Variants in MGAT4C observed in about 807,000 individuals in gnomAD.
MGAT4C encodes alpha-1,3-mannosyl-glycoprotein 4-beta-N-acetylglucosaminyltransferase C.
A neutral mutation model predicts 40.1 loss-of-function variants in MGAT4C; 19 were observed. The observed-to-expected ratio is 0.47, with a 90% CI of 0.33 to 0.70. The LOEUF (loss-of-function observed/expected upper bound fraction) is 0.70, where lower values mean the gene tolerates loss of function less well. Ranked by LOEUF, MGAT4C falls within the 30% of genes least tolerant of loss-of-function variation. The pLI, the probability that MGAT4C is intolerant of heterozygous loss-of-function variation, is 0.02. For missense variants in MGAT4C, 491 were observed against 563.2 expected, an observed-to-expected ratio of 0.87 and a Z score of 1.30; for synonymous variants, 181 against 187.1, an observed-to-expected ratio of 0.97 and a Z score of 0.27.
intron 1 of MGAT4C, among the ~76,000 whole-genome samples, chr12:86,241,898 C>A (rs1007023923): frequency 6.6e-6 from 1 of 152,076 alleles, no homozygotes; most frequent in Non-Finnish European, 1.5e-5. Context: ...TCTTCCTGAG[C>A]CTTGCCTGAG....
chr12:86,164,721 A>G (rs1593118795), intron 1 of MGAT4C, among the ~76,000 whole-genome samples: 1 of 152,296 alleles, frequency 6.6e-6, no homozygotes, highest in South Asian at 2.1e-4. Flanking sequence ...GCCACAGAGC[A>G]CGGTACCCTT....
chr12:86,530,073 G>A (rs571247363), intron 2 of MGAT4C, among the ~76,000 whole-genome samples: 31 of 151,510 alleles, frequency 2.0e-4, no homozygotes, highest in Non-Finnish European at 3.7e-4. Context: ...TCTTTAATTG[G>A]GTGAATATTC....
intron 1 of MGAT4C, among the ~76,000 whole-genome samples, chr12:86,754,712 T>C (rs1301657335): frequency 2.0e-5 from 3 of 152,132 alleles, no homozygotes; most frequent in Non-Finnish European, 4.4e-5. Flanking sequence ...TTAGGCTATA[T>C]ATTCCCAATA....
rs1453455144 is a variant in MGAT4C at position 85,967,181 on chromosome 12, G to C, written c.*12108C>G. 2.0e-5 allele frequency: 3 copies of C among 152,138 alleles called. No individual in the cohort carries two copies. Among genetic ancestry groups the C allele is most frequent in the African/African-American group, 7.2e-5 (3 of 41,430 alleles). 9.4% of individuals were successfully genotyped at this position (152,138 alleles called of 1,614,324 possible). ...TTTGATATCAGCTAGCAGTAAAATT[G>C]TGAACAAATCTGGTAAATCTTTTGG... On this transcript the variant is annotated 3_prime_UTR_variant, in exon 5 of 5. Coordinates refer to ENST00000611864, the MANE Select transcript of MGAT4C (RefSeq NM_001351288.2).
At chr12:86,318,980 C>T (rs1172033819) in intron 4 of MGAT4C, among the ~76,000 whole-genome samples, 1 of 152,130 alleles carries the variant, frequency 6.6e-6, no homozygotes, top group Non-Finnish European at 1.5e-5. Flanking sequence ...TCCCACTCTT[C>T]TCATTTTGCC....
chr12:86,266,994 C>T (rs1464748669), intron 4 of MGAT4C, among the ~76,000 whole-genome samples: 1 of 151,746 alleles, frequency 6.6e-6, no homozygotes, highest in Non-Finnish European at 1.5e-5. Context: ...TTTGATTCTA[C>T]TTTTATTGTC....
At chr12:86,725,625 T>G (rs781585525) in intron 2 of MGAT4C, among the ~76,000 whole-genome samples, 12 of 152,040 alleles carry the variant, frequency 7.9e-5, no homozygotes, top group Non-Finnish European at 1.8e-4. Context: ...CTCGCCCGGC[T>G]AATTTCTTTT....
intron 2 of MGAT4C, among the ~76,000 whole-genome samples, chr12:86,541,223 C>A (rs1048727267): frequency 1.3e-5 from 2 of 152,108 alleles, no homozygotes; most frequent in Admixed American, 6.6e-5. Flanking sequence ...ATGCTTCCAA[C>A]AAAGTCTTCA....
At position 86,492,617 on chromosome 12, in the gene MGAT4C, T is replaced by C. The variant is rs557255026; in HGVS notation, c.-228-57352A>G. On this transcript the variant is annotated intron_variant, in intron 2 of 7. Transcript: ENST00000548651. Reference sequence around the variant, plus strand: ...ATATGTAGAAAGCTGAAACTGGATCTCTTCCTTACATCTTATACAAAAATT... The same window carrying C: ...ATATGTAGAAAGCTGAAACTGGATCCCTTCCTTACATCTTATACAAAAATT... Among the ~76,000 whole-genome samples, 505 of 152,218 alleles carry C rather than the reference T, an allele frequency of 3.3e-3. 2 individuals are homozygous for C. Among genetic ancestry groups the C allele is most frequent in the African/African-American group, 0.012 (487 of 41,546 alleles).
intron 3 of MGAT4C, among the ~76,000 whole-genome samples, chr12:86,381,245 G>C (rs1408090785): frequency 6.6e-6 from 1 of 152,162 alleles, no homozygotes; most frequent in Non-Finnish European, 1.5e-5. Context: ...GGTTACTGCA[G>C]TATATGCAGT....
chr12:86,818,629 A>G (rs965416178), intron 1 of MGAT4C, among the ~76,000 whole-genome samples: 1 of 150,274 alleles, frequency 6.7e-6, no homozygotes, highest in African/African-American at 2.4e-5. Flanking sequence ...ATAAATCCAC[A>G]TGTATACATT....
chr12:86,622,547 T>C (rs930179687), intron 2 of MGAT4C, among the ~76,000 whole-genome samples: 4 of 152,100 alleles, frequency 2.6e-5, no homozygotes, highest in African/African-American at 7.2e-5. Flanking sequence ...CTAACAAATA[T>C]TATGCCTCAG....
chr12:86,701,570 A>G (rs1044742566), intron 2 of MGAT4C, among the ~76,000 whole-genome samples: 1 of 152,150 alleles, frequency 6.6e-6, no homozygotes, highest in East Asian at 1.9e-4. Context: ...GGGCTTCCCT[A>G]GTACTTGACA....
At chr12:86,434,251 GTTA>G (rs1323498499) in intron 3 of MGAT4C, among the ~76,000 whole-genome samples, 2 of 151,838 alleles carry the variant, frequency 1.3e-5, no homozygotes. Context: ...TGATATTTAT[GTTA>G]TTGTTTTCTG....
chr12:86,138,468 C>CAT (rs1488228149), intron 1 of MGAT4C, among the ~76,000 whole-genome samples: 49 of 143,674 alleles, frequency 3.4e-4, no homozygotes, highest in African/African-American at 1.1e-3. Flanking sequence ...TATATATTTC[C>CAT]ATATATATCC....
chr12:86,295,076 A>G (rs1403795056), intron 4 of MGAT4C, among the ~76,000 whole-genome samples: 1 of 152,166 alleles, frequency 6.6e-6, no homozygotes, highest in African/African-American at 2.4e-5. Flanking sequence ...TGGTCCTATA[A>G]TAATAATGCC....
At chr12:86,730,233 A>C (rs1036394945) in intron 1 of MGAT4C, among the ~76,000 whole-genome samples, 1 of 152,094 alleles carries the variant, frequency 6.6e-6, no homozygotes, top group Non-Finnish European at 1.5e-5. Context: ...ATTTATGTCA[A>C]CTGCTACTTG....
intron 2 of MGAT4C, among the ~76,000 whole-genome samples, chr12:86,653,443 A>C (rs1283941143): frequency 6.6e-6 from 1 of 151,946 alleles, no homozygotes; most frequent in Non-Finnish European, 1.5e-5. Context: ...AAATATCATG[A>C]AGGTGCATGC....
intron 2 of MGAT4C, among the ~76,000 whole-genome samples, chr12:86,687,789 C>T (rs766398660): frequency 6.6e-5 from 10 of 152,058 alleles, no homozygotes; most frequent in East Asian, 1.9e-4. Flanking sequence ...TGATGTGGTG[C>T]GGAGAAGAAT....
Sources: allele counts gnomAD v4.1 joint callset (sites outside exome capture counted in the v4.1 genomes callset), GRCh38; gene constraint gnomAD v4.1.1; transcripts MANE v1.5; gene names NCBI Gene and HGNC (gene_info 2026-07-23, HGNC 2026-07-21).